The following TEX36 variants were observed in gnomAD, a reference collection of about 807,000 sequenced individuals.
TEX36 encodes the protein testis expressed 36, also known as testis-expressed protein 36.
TEX36 carries 12 observed loss-of-function variants against 13.6 expected under a neutral mutation model. That is an observed-to-expected ratio of 0.88 (90% CI 0.56 to 1.43). TEX36 has a LOEUF of 1.43. TEX36 is among the 40% of genes most tolerant of loss of function. TEX36 has a pLI of 0.00. For synonymous variants in TEX36, 93 were observed against 83.0 expected (o/e 1.12, Z -0.65); for missense variants, 224 against 228.3 (o/e 0.98, Z 0.12).
In TEX36 at chr10:125,660,915, C is replaced by G. The variant is rs1431880331; in HGVS notation, c.264+106G>C. On this transcript the variant is annotated intron_variant, in intron 3 of 3. Coordinates refer to ENST00000368821, the MANE Select transcript of TEX36 (RefSeq NM_001128202.3). ...GTTTAAGACCTCGCTTTGTTTTGAC[C>G]TTGTTCCAGTTTTGAGGCCAATCCT... 22 of 967,150 alleles carry G rather than the reference C, an allele frequency of 2.3e-5. No homozygotes were observed. The East Asian group carries it at 5.9e-4, about 26-fold the overall frequency. 59.9% of individuals were successfully genotyped at this position (967,150 alleles called of 1,614,324 possible).
At chr10:125,645,534 G>A (rs1455713092) in intron 3 of TEX36, among the ~76,000 whole-genome samples, 1 of 152,102 alleles carries the variant, frequency 6.6e-6, no homozygotes, top group Non-Finnish European at 1.5e-5. Context: ...CAGCCCCTTG[G>A]CTCTGGACTT....
intron 1 of TEX36, chr10:125,667,601 G>T: frequency 1.4e-6 from 1 of 730,828 alleles, no homozygotes; most frequent in Non-Finnish European, 2.6e-6. Flanking sequence ...ATTTGTCCCT[G>T]CAAGGGAGAC....
In TEX36 at chr10:125,655,975, A is replaced by G. The variant is rs1051810832; in HGVS notation, c.486T>C (p.Tyr162=). ...TGGGCTTCTTTTTCAAAACCTCTGT[A>G]TAGCTTCTCTCAGGAAGAAATGTAA... ...NAFTFLPERS[Y]TEVLKKKPKV... The change falls in exon 4 of 4, where the codon TAT becomes TAC. Residue 162 remains tyrosine, a synonymous_variant. Coordinates refer to ENST00000368821, the MANE Select transcript of TEX36 (RefSeq NM_001128202.3). The G allele has an allele frequency of 7.1e-6, 11 of 1,551,594 alleles. No individual in the cohort carries two copies. In the Admixed American group the frequency reaches 2.2e-4, roughly 30 times the overall value.
chr10:125,612,514 C>T (rs1434027093), intron 3 of TEX36, among the ~76,000 whole-genome samples: 1 of 152,250 alleles, frequency 6.6e-6, no homozygotes, highest in East Asian at 1.9e-4. Flanking sequence ...TACATATTTA[C>T]ATATGTATGT....
intron 1 of TEX36, among the ~76,000 whole-genome samples, chr10:125,675,548 C>T (rs1002091508): frequency 6.6e-6 from 1 of 152,196 alleles, no homozygotes; most frequent in Non-Finnish European, 1.5e-5. Flanking sequence ...GGGGGATCTC[C>T]TGATCCATGG....
chr10:125,647,896 T>G (rs965584971), intron 3 of TEX36, among the ~76,000 whole-genome samples: 13 of 152,292 alleles, frequency 8.5e-5, no homozygotes, highest in Non-Finnish European at 1.6e-4. Context: ...CCACAGAGCC[T>G]TGGTCACTGC....
At chr10:125,617,649 G>A (rs1263929044), downstream of TEX36, among the ~76,000 whole-genome samples, 1 of 152,220 alleles carries the variant, frequency 6.6e-6, no homozygotes, top group African/African-American at 2.4e-5. Flanking sequence ...TTTCTGCCCA[G>A]AGATCTGCTG....
chr10:125,634,494 A>T (rs1846598904), intron 3 of TEX36, among the ~76,000 whole-genome samples: 1 of 152,176 alleles, frequency 6.6e-6, no homozygotes. Context: ...CTTAGTCCAG[A>T]GCAAACTTCT....
intron 1 of TEX36, among the ~76,000 whole-genome samples, chr10:125,673,554 T>C (rs56222558): frequency 0.015 from 2,285 of 151,848 alleles, 35 homozygotes; most frequent in Middle Eastern, 0.072. Context: ...CTGCTATAAA[T>C]ACAAAATTAG....
chr10:125,604,435 G>T (rs978706297), intron 3 of TEX36, among the ~76,000 whole-genome samples: 4 of 152,108 alleles, frequency 2.6e-5, no homozygotes, highest in Admixed American at 6.6e-5. Context: ...CAGCACTTTG[G>T]GAGGCTGAAG....
intron 3 of TEX36, among the ~76,000 whole-genome samples, chr10:125,582,098 C>T (rs980685349): frequency 2.0e-5 from 3 of 152,166 alleles, no homozygotes; most frequent in Non-Finnish European, 2.9e-5. Flanking sequence ...AGTGCCTTCC[C>T]ATGGCAAGGC....
chr10:125,584,544 A>T (rs1489542257), intron 3 of TEX36, among the ~76,000 whole-genome samples: 1 of 152,212 alleles, frequency 6.6e-6, no homozygotes, highest in East Asian at 1.9e-4. Context: ...TGACGCCCTT[A>T]CCACCAAGGT....
chr10:125,592,688 G>A (rs188409714), intron 3 of TEX36, among the ~76,000 whole-genome samples: 1 of 152,042 alleles, frequency 6.6e-6, no homozygotes, highest in Non-Finnish European at 1.5e-5. Flanking sequence ...TCCCATATGA[G>A]AGACCAGTCC....
At chr10:125,621,057 G>T (rs183597315), downstream of TEX36, among the ~76,000 whole-genome samples, 3 of 152,104 alleles carry the variant, frequency 2.0e-5, no homozygotes, top group Admixed American at 2.0e-4. Context: ...CTATGTTTTG[G>T]CTGTAGTGAA....
chr10:125,639,734 A>G (rs116495069), intron 3 of TEX36, among the ~76,000 whole-genome samples: 2,716 of 152,338 alleles, frequency 0.018, 94 homozygotes, highest in African/African-American at 0.063. Flanking sequence ...AAGTTATCCA[A>G]CAGAGTCAAA....
At chr10:125,627,702 C>T (rs1408567660) in intron 3 of TEX36, among the ~76,000 whole-genome samples, 5 of 152,168 alleles carry the variant, frequency 3.3e-5, no homozygotes, top group African/African-American at 1.2e-4. Flanking sequence ...ATAATGCCAT[C>T]GCATTGTACA....
intron 2 of TEX36, among the ~76,000 whole-genome samples, chr10:125,661,339 T>G (rs964651607): frequency 2.0e-5 from 3 of 152,190 alleles, no homozygotes; most frequent in Non-Finnish European, 2.9e-5. Context: ...AAAAATTATC[T>G]TTCAAAACAC....
chr10:125,600,756 T>G (rs368234545), intron 3 of TEX36, among the ~76,000 whole-genome samples: 6 of 152,278 alleles, frequency 3.9e-5, no homozygotes, highest in African/African-American at 1.2e-4. Context: ...TGTTTCTAAA[T>G]ATGACCCCCA....
chr10:125,616,273 T>C (rs905662643), intron 3 of TEX36, among the ~76,000 whole-genome samples: 1 of 152,048 alleles, frequency 6.6e-6, no homozygotes, highest in Non-Finnish European at 1.5e-5. Flanking sequence ...TTTTTTTGTG[T>C]CTCTATTTCC....
Sources: gnomAD v4.1 joint callset for allele counts (sites outside exome capture counted in the v4.1 genomes callset) on GRCh38, gnomAD v4.1.1 for gene constraint, MANE v1.5 for transcripts, NCBI Gene and HGNC (gene_info 2026-07-23, HGNC 2026-07-21) for gene names.